The following TRMT11 variants were observed in gnomAD, a reference collection of about 807,000 sequenced individuals.
The protein encoded by TRMT11 is tRNA (guanine(10)-N(2))-methyltransferase TRMT11.
Under a neutral mutation model 62.8 loss-of-function variants are expected in TRMT11, and 53 were observed. The observed-to-expected ratio is 0.84, with a 90% CI of 0.68 to 1.06. TRMT11 has a LOEUF of 1.06. TRMT11 is among the 50% of genes least tolerant of loss of function. The pLI is 0.00. For synonymous variants in TRMT11, 188 were observed against 190.3 expected, an observed-to-expected ratio of 0.99 and a Z score of 0.10; for missense variants, 556 against 553.4, an observed-to-expected ratio of 1.00 and a Z score of -0.05.
intron 12 of TRMT11, among the ~76,000 whole-genome samples, chr6:126,037,504 G>A (rs1051873609): frequency 2.6e-5 from 4 of 151,992 alleles, no homozygotes; most frequent in African/African-American, 7.2e-5. Flanking sequence ...GTTTTCATGT[G>A]TTTGCAGGAA....
downstream of TRMT11, among the ~76,000 whole-genome samples, chr6:126,207,387 A>T (rs564186555): frequency 6.6e-6 from 1 of 152,188 alleles, no homozygotes; most frequent in Admixed American, 6.5e-5. Flanking sequence ...ACCAACAGAG[A>T]TGGGAGATGG....
downstream of TRMT11, among the ~76,000 whole-genome samples, chr6:126,040,674 T>C (rs966467468): frequency 3.3e-5 from 5 of 152,132 alleles, no homozygotes; most frequent in African/African-American, 1.2e-4. Context: ...GTAGTTTGGA[T>C]TTACAGTATA....
rs375405652 is a variant in TRMT11 at position 126,071,220 on chromosome 6, T to TG, written c.*1437+18037dup. 1.6e-3 allele frequency among the ~76,000 whole-genome samples: 244 copies of TG among 151,828 alleles called. 1 individual carries two copies. The highest frequency in any genetic ancestry group is 4.9e-3 in the African/African-American group (201 of 41,400). On this transcript the variant is annotated intron_variant and NMD_transcript_variant, in intron 17 of 22. Coordinates refer to the TRMT11 transcript ENST00000648977. ...ATCACTGTATGCAGCCCTGTTTCCT[T>TG]GGGGGGGTGGGGGTGCTTCTTTTGG...
At position 126,099,878 on chromosome 6, in the gene TRMT11, G is replaced by A. The variant is rs147932919; in HGVS notation, c.*1438-12988G>A. On this transcript the variant is annotated intron_variant and NMD_transcript_variant, in intron 17 of 22. Coordinates refer to the TRMT11 transcript ENST00000648977. The stretch of plus-strand genomic sequence containing the variant: ...TTTTGAAACTGGAATGAGAGAAGAA[G>A]TGGTTGTGGGTCTGGAAGAGCTGGG... 6.6e-5 allele frequency among the ~76,000 whole-genome samples: 10 copies of A among 152,334 alleles called. No homozygotes were observed. In the East Asian group the frequency reaches 1.9e-3, roughly 29 times the overall value.
chr6:126,167,949 G>A (rs532662263), intron 21 of TRMT11, among the ~76,000 whole-genome samples: 21 of 152,300 alleles, frequency 1.4e-4, no homozygotes, highest in African/African-American at 4.6e-4. Context: ...AGCCTGTGAT[G>A]TTGGAAAGAG....
intron 17 of TRMT11, among the ~76,000 whole-genome samples, chr6:126,099,995 G>A (rs2128177027): frequency 6.6e-6 from 1 of 152,230 alleles, no homozygotes. Context: ...TCAGCAGCCT[G>A]GGTGGAGTAT....
intron 17 of TRMT11, among the ~76,000 whole-genome samples, chr6:126,072,553 A>G (rs1231472550): frequency 6.6e-6 from 1 of 152,232 alleles, no homozygotes; most frequent in Non-Finnish European, 1.5e-5. Context: ...AAAATAGCAT[A>G]TATTGAGTAT....
intron 17 of TRMT11, among the ~76,000 whole-genome samples, chr6:126,065,733 CAG>C (rs1160008262): frequency 2.6e-5 from 4 of 152,100 alleles, no homozygotes; most frequent in Non-Finnish European, 5.9e-5. Flanking sequence ...TAGATAATAA[CAG>C]AAATTATATT....
chr6:126,045,427 G>T (rs1776024168), intron 16 of TRMT11, among the ~76,000 whole-genome samples: 1 of 152,074 alleles, frequency 6.6e-6, no homozygotes, highest in Admixed American at 6.6e-5. Flanking sequence ...TCATTAACAG[G>T]ATTCATAGGA....
chr6:126,241,066 T>G, the TRMT11 span, among the ~76,000 whole-genome samples: 1 of 152,192 alleles, frequency 6.6e-6, no homozygotes, highest in African/African-American at 2.4e-5. Flanking sequence ...AAAAGCGCAG[T>G]ATTAGGGTGG....
At chr6:126,248,857 A>C in the TRMT11 span, among the ~76,000 whole-genome samples, 24 of 152,264 alleles carry the variant, frequency 1.6e-4, no homozygotes, top group African/African-American at 4.6e-4. Flanking sequence ...ACTACTCAAT[A>C]CTGCTTATTA....
intron 21 of TRMT11, among the ~76,000 whole-genome samples, chr6:126,123,512 T>G (rs1777674341): frequency 6.6e-6 from 1 of 152,066 alleles, no homozygotes; most frequent in African/African-American, 2.4e-5. Flanking sequence ...TCCTTCAACC[T>G]TGACTTCACT....
chr6:125,995,437 G>A lies in TRMT11; in HGVS notation c.139-530G>A, dbSNP rs192817997. Among the ~76,000 whole-genome samples the A allele has an allele frequency of 1.2e-4, 19 of 152,220 alleles. No individual in the cohort carries two copies. The East Asian group carries it at 3.3e-3, about 26-fold the overall frequency. On this transcript the variant is annotated intron_variant, in intron 2 of 12. Coordinates refer to ENST00000334379, the MANE Select transcript of TRMT11 (RefSeq NM_001031712.3). ...TGGGAAAACACCCCTGATGCACTTG[G>A]AGCTTTTTTCCCCTAGATAAAATAT...
At chr6:126,250,821 A>G in the TRMT11 span, among the ~76,000 whole-genome samples, 1 of 152,176 alleles carries the variant, frequency 6.6e-6, no homozygotes, top group African/African-American at 2.4e-5. Flanking sequence ...TTCATTTGAT[A>G]AAGTTATGTC....
chr6:126,011,308 CAATCTTCGTCAATA>C lies in TRMT11; in HGVS notation c.817_830del (p.Asn273TrpfsTer8). On this transcript the variant is annotated frameshift_variant, in exon 9 of 13. Coordinates refer to ENST00000334379, the MANE Select transcript of TRMT11 (RefSeq NM_001031712.3). LOFTEE classifies it high-confidence loss of function. ...GAGGACCAGATGAAAACATTAGGGC[CAATCTTCGTCAATA>C]TGGTTTAGAGAAGTATTACCTTGAT... 2 of 1,613,294 alleles carry C rather than the reference CAATCTTCGTCAATA, an allele frequency of 1.2e-6. No individual in the cohort carries two copies. The highest frequency in any genetic ancestry group is 1.7e-6 in the Non-Finnish European group (2 of 1,179,522).
At chr6:126,053,500 C>T (rs1776276325) in intron 17 of TRMT11, among the ~76,000 whole-genome samples, 1 of 152,152 alleles carries the variant, frequency 6.6e-6, no homozygotes, top group Non-Finnish European at 1.5e-5. Flanking sequence ...CACTTTTGGG[C>T]CAGGTACCAG....
chr6:126,117,676 A>G (rs1777605994), intron 21 of TRMT11, among the ~76,000 whole-genome samples: 1 of 152,134 alleles, frequency 6.6e-6, no homozygotes, highest in African/African-American at 2.4e-5. Context: ...CTTAAAGGAG[A>G]ATGAATGACC....
intron 21 of TRMT11, among the ~76,000 whole-genome samples, chr6:126,162,920 CTT>C (rs556572257): frequency 1.3e-3 from 193 of 152,280 alleles, no homozygotes; most frequent in African/African-American, 4.5e-3. Flanking sequence ...TATCCTGAGA[CTT>C]TGCTGAAATT....
At chr6:126,116,999 C>G (rs1279543223) in intron 21 of TRMT11, among the ~76,000 whole-genome samples, 1 of 152,078 alleles carries the variant, frequency 6.6e-6, no homozygotes, top group Non-Finnish European at 1.5e-5. Flanking sequence ...TAAAGAAAAA[C>G]TAGGCCTTGC....
Sources: allele counts gnomAD v4.1 joint callset (sites outside exome capture counted in the v4.1 genomes callset), GRCh38; gene constraint gnomAD v4.1.1; transcripts MANE v1.5; gene names NCBI Gene and HGNC (gene_info 2026-07-23, HGNC 2026-07-21).